STX6: variants seen among roughly 807,000 people sequenced by gnomAD.
The protein encoded by STX6 is syntaxin-6.
A neutral mutation model predicts 38.0 loss-of-function variants in STX6; 23 were observed. The observed-to-expected ratio is 0.60, with a 90% CI of 0.43 to 0.86. The LOEUF is 0.86. Ranked by LOEUF, STX6 falls within the 40% of genes least tolerant of loss-of-function variation. The pLI is 0.00. For missense variants in STX6, 274 were observed against 312.9 expected, an observed-to-expected ratio of 0.88 and a Z score of 0.94; for synonymous variants, 123 against 107.5, an observed-to-expected ratio of 1.14 and a Z score of -0.89.
chr1:181,016,838 G>A (rs985258947), intron 1 of STX6, among the ~76,000 whole-genome samples: 1 of 152,144 alleles, frequency 6.6e-6, no homozygotes, highest in African/African-American at 2.4e-5. Flanking sequence ...TGTAATCCAA[G>A]CACTTTGGGA....
intron 1 of STX6, among the ~76,000 whole-genome samples, chr1:181,010,921 A>C (rs1656375746): frequency 6.6e-6 from 1 of 152,242 alleles, no homozygotes; most frequent in South Asian, 2.1e-4. Context: ...AGACACTGTT[A>C]GACTGAAGTT....
At chr1:180,985,370 A>G (rs575674402) in intron 6 of STX6, among the ~76,000 whole-genome samples, 18 of 152,370 alleles carry the variant, frequency 1.2e-4, no homozygotes, top group African/African-American at 4.3e-4. Flanking sequence ...GGGCAATCCT[A>G]TCAGCTCAAC....
intron 4 of STX6, among the ~76,000 whole-genome samples, chr1:180,992,963 A>T (rs1258187945): frequency 6.6e-6 from 1 of 152,226 alleles, no homozygotes; most frequent in Non-Finnish European, 1.5e-5. Flanking sequence ...CATGACACAC[A>T]TCTCTCCTCA....
intron 1 of STX6, among the ~76,000 whole-genome samples, chr1:181,020,176 C>A (rs565486889): frequency 1.3e-5 from 2 of 151,764 alleles, no homozygotes; most frequent in South Asian, 2.1e-4. Flanking sequence ...GATTGCACCA[C>A]TGCACTCCAG....
intron 4 of STX6, among the ~76,000 whole-genome samples, chr1:180,993,155 A>T (rs1655801634): frequency 6.6e-6 from 1 of 152,170 alleles, no homozygotes; most frequent in African/African-American, 2.4e-5. Flanking sequence ...GAAGAAGACC[A>T]GAGGGTAAGA....
intron 3 of STX6, among the ~76,000 whole-genome samples, chr1:181,001,709 A>G (rs964217261): frequency 8.5e-5 from 13 of 152,242 alleles, no homozygotes; most frequent in African/African-American, 3.1e-4. Context: ...TGGTTTCTAC[A>G]ATAGCAATTG....
intron 6 of STX6, among the ~76,000 whole-genome samples, chr1:180,985,150 A>G (rs979521794): frequency 9.8e-5 from 15 of 152,328 alleles, no homozygotes; most frequent in African/African-American, 3.4e-4. Context: ...TAAAGAAAAA[A>G]AAAACAACGA....
At chr1:180,988,442 G>T in intron 5 of STX6, 97 bp from the exon 6 acceptor site, 2 of 886,686 alleles carry the variant, frequency 2.3e-6, no homozygotes, top group Non-Finnish European at 1.8e-6. Context: ...GCCAACTTGG[G>T]ACAATTCACA....
rs751679874 is a variant in STX6 at position 181,002,624 on chromosome 1, A to T, written c.282T>A (p.Ser94Arg). 1 of 1,613,176 alleles carries T rather than the reference A, an allele frequency of 6.2e-7. No homozygotes were observed. The highest frequency in any genetic ancestry group is 1.7e-5 in the Admixed American group (1 of 59,984). The part of the protein sequence containing the change: ...ELSIRKAFIT[S>R]TRQVVRDMKD... The stretch of plus-strand genomic sequence containing the variant: ...TCCTTACCCTGACAACTTGCCGAGT[A>T]CTTGTAATGAAGGCTTTTCTTATAC... The change falls in exon 3 of 8, where the codon AGT (serine) becomes AGA (arginine). Residue 94 changes from serine to arginine, a missense_variant. Transcript: ENST00000258301.
rs1656116731 is a variant in STX6, at chr1:181,002,648, A to G, written c.258T>C (p.Ser86=). The G allele has an allele frequency of 6.2e-7, 1 of 1,613,580 alleles. No homozygotes were observed. Among genetic ancestry groups the G allele is most frequent in the South Asian group, 1.1e-5 (1 of 91,068 alleles). ...RKFNLDATEL[S]IRKAFITSTR... The stretch of plus-strand genomic sequence containing the variant: ...TACTTGTAATGAAGGCTTTTCTTAT[A>G]CTCAATTCAGTTGCATCAAGGTTAA... The change falls in exon 3 of 8, where the codon AGT becomes AGC. Residue 86 remains serine, a synonymous_variant. Coordinates refer to ENST00000258301, the MANE Select transcript of STX6 (RefSeq NM_005819.6).
intron 1 of STX6, among the ~76,000 whole-genome samples, chr1:181,014,792 C>G (rs574418545): frequency 2.4e-4 from 36 of 152,166 alleles, no homozygotes; most frequent in Non-Finnish European, 3.8e-4. Flanking sequence ...ACATGCACAC[C>G]CTTTACTTGA....
At chr1:181,008,252 C>T (rs935079742) in intron 1 of STX6, among the ~76,000 whole-genome samples, 1 of 152,104 alleles carries the variant, frequency 6.6e-6, no homozygotes, top group Admixed American at 6.5e-5. Context: ...GTCATTAGGG[C>T]GCTTTGTTTC....
At chr1:181,010,132 C>A (rs1656349536) in intron 1 of STX6, among the ~76,000 whole-genome samples, 1 of 152,066 alleles carries the variant, frequency 6.6e-6, no homozygotes, top group South Asian at 2.1e-4. Flanking sequence ...TGTGCTATAT[C>A]CTGCTTGTGG....
At chr1:180,979,523 C>T (rs1655343686) in intron 7 of STX6, among the ~76,000 whole-genome samples, 1 of 152,202 alleles carries the variant, frequency 6.6e-6, no homozygotes, top group Non-Finnish European at 1.5e-5. Flanking sequence ...AGACTTTACA[C>T]CTTAACAAAA....
chr1:181,017,499 A>G (rs1257087577), intron 1 of STX6, among the ~76,000 whole-genome samples: 1 of 152,230 alleles, frequency 6.6e-6, no homozygotes, highest in African/African-American at 2.4e-5. Flanking sequence ...TTTTATCCAC[A>G]GGAGTGGCTC....
chr1:181,001,292 A>C (rs1326777911), intron 3 of STX6, among the ~76,000 whole-genome samples: 1 of 152,232 alleles, frequency 6.6e-6, no homozygotes, highest in Non-Finnish European at 1.5e-5. Flanking sequence ...AAGTCTTTTT[A>C]TTCAAGGAAG....
At chr1:180,999,240 T>C (rs888265209) in intron 3 of STX6, among the ~76,000 whole-genome samples, 1 of 152,208 alleles carries the variant, frequency 6.6e-6, no homozygotes, top group Non-Finnish European at 1.5e-5. Context: ...TTGAATGACT[T>C]ACCATGGTTA....
chr1:180,974,995 G>A lies in STX6; in HGVS notation c.*1575C>T, dbSNP rs950762820. Reference sequence around the variant, plus strand: ...TTGTTAAGAATATTTATTAAAAAGTGCAATTCAAAAGTTAGCTGGGCAAGC... The same window carrying A: ...TTGTTAAGAATATTTATTAAAAAGTACAATTCAAAAGTTAGCTGGGCAAGC... On this transcript the variant is annotated 3_prime_UTR_variant, in exon 8 of 8. Transcript: ENST00000258301. The A allele has an allele frequency of 6.6e-6, 1 of 152,428 alleles. No individual in the cohort carries two copies. Among genetic ancestry groups the A allele is most frequent in the Admixed American group, 6.5e-5 (1 of 15,268 alleles). 9.4% of individuals were successfully genotyped at this position (152,428 alleles called of 1,614,324 possible).
At chr1:180,995,139 T>C (rs916439657) in intron 3 of STX6, among the ~76,000 whole-genome samples, 1 of 151,984 alleles carries the variant, frequency 6.6e-6, no homozygotes, top group African/African-American at 2.4e-5. Context: ...ATTTTCCTAT[T>C]TTTAGTAGAG....
Sources: allele counts gnomAD v4.1 joint callset (sites outside exome capture counted in the v4.1 genomes callset), GRCh38; gene constraint gnomAD v4.1.1; transcripts MANE v1.5; gene names NCBI Gene and HGNC (gene_info 2026-07-23, HGNC 2026-07-21).